SEMA3A: variants seen among roughly 807,000 people sequenced by gnomAD.
SEMA3A encodes semaphorin 3A, also known as semaphorin-3A.
SEMA3A carries 29 observed loss-of-function variants against 97.9 expected under a neutral mutation model. The ratio of observed to expected loss-of-function variants is 0.30; its 90% CI spans 0.22 to 0.40. SEMA3A has a LOEUF of 0.40. Ranked by LOEUF, SEMA3A falls within the 10% of genes least tolerant of loss-of-function variation. SEMA3A has a pLI of 1.00. For missense variants in SEMA3A, 763 were observed against 951.3 expected (o/e 0.80, Z 2.60); for synonymous variants, 321 against 323.7 (o/e 0.99, Z 0.09).
chr7:84,144,266 C>T (rs1435065393), intron 1 of SEMA3A, among the ~76,000 whole-genome samples: 1 of 151,990 alleles, frequency 6.6e-6, no homozygotes, highest in Non-Finnish European at 1.5e-5. Flanking sequence ...CTGCAAATTC[C>T]TCCAGCTCAT....
chr7:84,290,453 A>G (rs1344133838), intron 3 of SEMA3A, among the ~76,000 whole-genome samples: 1 of 146,628 alleles, frequency 6.8e-6, no homozygotes, highest in African/African-American at 2.5e-5. Flanking sequence ...TTTTTTTCCT[A>G]TTTATCTTAA....
intron 12 of SEMA3A, among the ~76,000 whole-genome samples, chr7:83,988,393 A>AT (rs1223945652): frequency 2.6e-5 from 4 of 151,576 alleles, no homozygotes; most frequent in Admixed American, 6.6e-5. Flanking sequence ...CGACTGGCTA[A>AT]TTTTTTTGTA....
chr7:84,461,271 TCAAA>T (rs1421273727), intron 1 of SEMA3A, among the ~76,000 whole-genome samples: 1 of 152,140 alleles, frequency 6.6e-6, no homozygotes, highest in African/African-American at 2.4e-5. Context: ...CATCCTTAAT[TCAAA>T]CAGAGTGAAA....
At chr7:84,200,067 C>G (rs1016640429), upstream of SEMA3A, among the ~76,000 whole-genome samples, 1 of 151,860 alleles carries the variant, frequency 6.6e-6, no homozygotes, top group Non-Finnish European at 1.5e-5. Flanking sequence ...ACTCTCCCAC[C>G]CCTCCATGCC....
chr7:84,413,927 A>T (rs34814672), intron 1 of SEMA3A, among the ~76,000 whole-genome samples: 1 of 152,030 alleles, frequency 6.6e-6, no homozygotes, highest in Non-Finnish European at 1.5e-5. Context: ...AAGCAGTCCT[A>T]TGCATCATTT....
chr7:84,438,238 G>T (rs80172377), intron 1 of SEMA3A, among the ~76,000 whole-genome samples: 2,361 of 152,118 alleles, frequency 0.016, 67 homozygotes, highest in African/African-American at 0.053. Flanking sequence ...CTGTACTCAA[G>T]AAGTTTACAG....
intron 6 of SEMA3A, among the ~76,000 whole-genome samples, chr7:84,026,042 C>T (rs1441749060): frequency 6.6e-6 from 1 of 152,212 alleles, no homozygotes; most frequent in Non-Finnish European, 1.5e-5. Context: ...TACCTTCTAG[C>T]ACTACAAAAT....
intron 4 of SEMA3A, among the ~76,000 whole-genome samples, chr7:84,103,483 G>A (rs1583972034): frequency 6.6e-6 from 1 of 152,006 alleles, no homozygotes; most frequent in Non-Finnish European, 1.5e-5. Flanking sequence ...ATTAATATCA[G>A]AATAAATCAT....
Position 84,064,514 on chromosome 7 carries a change from T to A in SEMA3A, c.454-3956A>T, listed in dbSNP as rs1034971429. ...GTCAAGAGCCATCAGTGTGCTGTAC[T>A]CAGGAAACCCATCTCACGTGCAGAG... On this transcript the variant is annotated intron_variant, in intron 4 of 16. Transcript: ENST00000265362. Among the ~76,000 whole-genome samples, 363 of 152,112 alleles carry A rather than the reference T, an allele frequency of 2.4e-3. 1 individual carries two copies. The highest frequency in any genetic ancestry group is 8.2e-3 in the African/African-American group (341 of 41,420).
chr7:84,086,471 G>A (rs13245383), intron 4 of SEMA3A, among the ~76,000 whole-genome samples: 236 of 12,902 alleles, frequency 0.018, 2 homozygotes, highest in Middle Eastern at 0.071. Context: ...TATATAATAT[G>A]TATTATTATA....
intron 1 of SEMA3A, among the ~76,000 whole-genome samples, chr7:84,382,432 T>C (rs765334061): frequency 6.6e-6 from 1 of 151,752 alleles, no homozygotes; most frequent in Non-Finnish European, 1.5e-5. Flanking sequence ...ATGTAAATGA[T>C]ATATTTTAGA....
intron 12 of SEMA3A, among the ~76,000 whole-genome samples, 153 bp from the exon 13 acceptor site, chr7:83,985,630 T>C (rs1789598359): frequency 6.6e-6 from 1 of 152,152 alleles, no homozygotes; most frequent in African/African-American, 2.4e-5. Context: ...ATAAAGAAAC[T>C]GCATAGATAA....
In SEMA3A at chr7:84,368,132, A is replaced by G. The variant is rs140881322; in HGVS notation, c.-169+3692T>C. Among the ~76,000 whole-genome samples, 21 of 151,322 alleles carry G rather than the reference A, an allele frequency of 1.4e-4. No individual in the cohort carries two copies. The East Asian group carries it at 4.1e-3, about 29-fold the overall frequency. On this transcript the variant is annotated intron_variant, in intron 2 of 3. Transcript: ENST00000424555. ...ATTTAAGCTCACTTATAGATAACCC[A>G]TGGTATTTCTAAAAATAGGTTATAA...
At chr7:84,263,023 A>G (rs1799896906) in intron 3 of SEMA3A, among the ~76,000 whole-genome samples, 1 of 152,222 alleles carries the variant, frequency 6.6e-6, no homozygotes, top group Non-Finnish European at 1.5e-5. Context: ...TATAACATAT[A>G]AATTTATAAG....
chr7:84,351,134 C>G (rs1264685281), intron 2 of SEMA3A, among the ~76,000 whole-genome samples: 1 of 151,858 alleles, frequency 6.6e-6, no homozygotes, highest in African/African-American at 2.4e-5. Flanking sequence ...TTTTGAGATA[C>G]GCATCAGAAG....
intron 12 of SEMA3A, among the ~76,000 whole-genome samples, chr7:83,986,120 C>T (rs1016409494): frequency 2.6e-5 from 4 of 152,210 alleles, no homozygotes; most frequent in South Asian, 4.1e-4. Context: ...TGGTATTCTG[C>T]GAAAATTGTT....
intron 3 of SEMA3A, among the ~76,000 whole-genome samples, chr7:84,269,283 T>C (rs1363436597): frequency 1.1e-4 from 17 of 152,162 alleles, no homozygotes; most frequent in African/African-American, 4.8e-5. Context: ...ATAAATAAAC[T>C]TTAAATATAT....
intron 1 of SEMA3A, among the ~76,000 whole-genome samples, chr7:84,184,618 A>T (rs1271859028): frequency 2.1e-5 from 3 of 146,246 alleles, no homozygotes; most frequent in Admixed American, 6.8e-5. Flanking sequence ...AAGGGGAGAA[A>T]TCCTTTTTTT....
intron 1 of SEMA3A, among the ~76,000 whole-genome samples, chr7:84,420,433 T>C (rs1372741375): frequency 6.6e-6 from 1 of 152,016 alleles, no homozygotes; most frequent in African/African-American, 2.4e-5. Context: ...ACTAGAGTGC[T>C]CAATAGGAGA....
Sources: allele counts gnomAD v4.1 joint callset (sites outside exome capture counted in the v4.1 genomes callset), GRCh38; gene constraint gnomAD v4.1.1; transcripts MANE v1.5; gene names NCBI Gene and HGNC (gene_info 2026-07-23, HGNC 2026-07-21).